The following ASTN2 variants were observed in gnomAD, a reference collection of about 807,000 sequenced individuals.
The protein encoded by ASTN2 is astrotactin 2, also known as astrotactin-2.
In ASTN2, 54 loss-of-function variants were observed where a neutral mutation model predicts 139.8. The observed-to-expected ratio is 0.39, with a 90% CI of 0.31 to 0.48. The LOEUF is 0.48. ASTN2 is among the 20% of genes least tolerant of loss of function. ASTN2 has a pLI of 0.95. For missense variants in ASTN2, 1,565 were observed against 1,725.1 expected, an observed-to-expected ratio of 0.91 and a Z score of 1.64; for synonymous variants, 756 against 719.5, an observed-to-expected ratio of 1.05 and a Z score of -0.81.
At chr9:116,811,298 C>A (rs1019823410) in intron 12 of ASTN2, among the ~76,000 whole-genome samples, 3 of 152,168 alleles carry the variant, frequency 2.0e-5, no homozygotes, top group African/African-American at 7.2e-5. Context: ...CTGACTGTGG[C>A]TTTGCCCACA....
chr9:116,792,910 G>A (rs1830594830), intron 13 of ASTN2, among the ~76,000 whole-genome samples: 1 of 152,054 alleles, frequency 6.6e-6, no homozygotes, highest in African/African-American at 2.4e-5. Flanking sequence ...CTGTACTCAT[G>A]GACATAAAGA....
intron 13 of ASTN2, among the ~76,000 whole-genome samples, chr9:116,760,057 C>T (rs1409259205): frequency 6.6e-6 from 1 of 152,170 alleles, no homozygotes; most frequent in African/African-American, 2.4e-5. Flanking sequence ...GAAGGGCTAA[C>T]AGGACGGGTT....
chr9:116,998,116 T>C (rs771017900), intron 7 of ASTN2, among the ~76,000 whole-genome samples: 3 of 152,214 alleles, frequency 2.0e-5, no homozygotes, highest in Non-Finnish European at 4.4e-5. Context: ...CATGCCTGAA[T>C]AACAAAGTAT....
At chr9:117,308,289 C>T (rs1409010307) in intron 1 of ASTN2, among the ~76,000 whole-genome samples, 1 of 152,160 alleles carries the variant, frequency 6.6e-6, no homozygotes, top group African/African-American at 2.4e-5. Flanking sequence ...AATACTCCTT[C>T]ACTTTCCATA....
At chr9:116,742,592 G>A (rs1829123571) in intron 13 of ASTN2, among the ~76,000 whole-genome samples, 1 of 152,092 alleles carries the variant, frequency 6.6e-6, no homozygotes. Context: ...TCAGGATATA[G>A]TCTGGGAAGT....
intron 20 of ASTN2, among the ~76,000 whole-genome samples, chr9:116,462,788 A>ATGTG (rs55926547): frequency 0.012 from 1,789 of 146,146 alleles, 31 homozygotes; most frequent in African/African-American, 0.039. Flanking sequence ...TTGGGTGAGC[A>ATGTG]TGTGTGTGTG....
chr9:117,401,076 C>G (rs1383867213), intron 1 of ASTN2, among the ~76,000 whole-genome samples: 2 of 152,160 alleles, frequency 1.3e-5, no homozygotes, highest in East Asian at 1.9e-4. Flanking sequence ...GTGCCGGGTA[C>G]TGCTGAACAT....
chr9:117,214,387 C>T lies in ASTN2; in HGVS notation c.986G>A (p.Gly329Glu). 1 of 1,594,266 alleles carries T rather than the reference C, an allele frequency of 6.3e-7. No homozygotes were observed. Among genetic ancestry groups the T allele is most frequent in the African/African-American group, 1.3e-5 (1 of 74,794 alleles). Residue 329 changes from glycine (G) to glutamate (E), a missense_variant, in exon 3 of 23, where the codon GGG becomes GAG. This residue lies in a region of ASTN2 where 596 missense variants were observed against 576.8 expected (regional missense o/e 1.03). Transcript: ENST00000313400. The part of the protein sequence containing the change: ...THTLDSLGHP[G>E]EEKVDFEKKA... ...CTTCTCAAAGTCCACCTTCTCTTCC[C>T]CTGGATGTCCCAGACTGTCCAGAGT...
In ASTN2 at chr9:117,204,939, A is replaced by G. The variant is rs1175280968; in HGVS notation, c.1015+9419T>C. ...TTTGGCCTGCTGGTATTACTGCCAAATGAACATCCTTACCCTTTCAAGGCC... is the reference window on the plus strand; with the variant it reads ...TTTGGCCTGCTGGTATTACTGCCAAGTGAACATCCTTACCCTTTCAAGGCC... On this transcript the variant is annotated intron_variant, in intron 3 of 22. Transcript: ENST00000313400. Among the ~76,000 whole-genome samples the G allele has an allele frequency of 5.9e-5, 9 of 152,252 alleles. No homozygotes were observed. In the East Asian group the frequency reaches 1.2e-3, roughly 20 times the overall value.
chr9:116,904,850 G>C (rs1211908340), intron 10 of ASTN2, among the ~76,000 whole-genome samples: 8 of 152,142 alleles, frequency 5.3e-5, no homozygotes, highest in Non-Finnish European at 1.0e-4. Flanking sequence ...AGTGTACAGT[G>C]GCTGTGCACT....
intron 10 of ASTN2, among the ~76,000 whole-genome samples, chr9:116,943,556 A>G (rs573600815): frequency 1.3e-4 from 20 of 152,272 alleles, no homozygotes; most frequent in Admixed American, 2.6e-4. Flanking sequence ...TATGTACATT[A>G]TATCTCCAAA....
chr9:117,332,740 T>C (rs748661584), intron 1 of ASTN2, among the ~76,000 whole-genome samples: 46 of 152,154 alleles, frequency 3.0e-4, no homozygotes, highest in Non-Finnish European at 6.2e-4. Flanking sequence ...AGTCACAAGG[T>C]GGAAGCTACC....
At chr9:116,793,406 T>C (rs1468600715) in intron 13 of ASTN2, among the ~76,000 whole-genome samples, 1 of 152,148 alleles carries the variant, frequency 6.6e-6, no homozygotes, top group African/African-American at 2.4e-5. Context: ...TCATGGAGCA[T>C]ATGTTATCCC....
rs148624806 is a variant in ASTN2 at position 117,214,701 on chromosome 9, G to C, written c.672C>G (p.Thr224=). The change falls in exon 3 of 23, where the codon ACC becomes ACG. Residue 224 remains threonine (T), a synonymous_variant. Transcript: ENST00000313400. ...IALLLLLLVF[T]VALYAQRRWQ... is the part of the protein sequence containing the mutation. Reference sequence around the variant, plus strand: ...AACGTCGCTGGGCGTACAGCGCCACGGTGAACACCAGCAGCAGCAGCAGCA... The same window carrying C: ...AACGTCGCTGGGCGTACAGCGCCACCGTGAACACCAGCAGCAGCAGCAGCA... The C allele has an allele frequency of 1.1e-4, 167 of 1,522,610 alleles. No individual in the cohort carries two copies. In the African/African-American group the frequency reaches 1.9e-3, roughly 17 times the overall value. The allele number at this position is 1,522,610 out of a possible 1,614,324, so 94.3% of individuals were successfully genotyped here.
chr9:117,181,887 C>T (rs1229429885), intron 3 of ASTN2, among the ~76,000 whole-genome samples: 1 of 152,184 alleles, frequency 6.6e-6, no homozygotes, highest in Non-Finnish European at 1.5e-5. Flanking sequence ...CAAGAGGCGT[C>T]CTCTCAGCAA....
intron 3 of ASTN2, among the ~76,000 whole-genome samples, chr9:117,157,899 T>C (rs1830465688): frequency 6.6e-6 from 1 of 151,980 alleles, no homozygotes; most frequent in Non-Finnish European, 1.5e-5. Flanking sequence ...TTAAGAAAGA[T>C]CAGTGTAACT....
chr9:116,873,485 C>T (rs569206111), intron 10 of ASTN2, among the ~76,000 whole-genome samples: 1 of 152,296 alleles, frequency 6.6e-6, no homozygotes, highest in East Asian at 1.9e-4. Context: ...GGAGTCAGGC[C>T]TCCAGTGCAG....
intron 3 of ASTN2, among the ~76,000 whole-genome samples, chr9:117,163,555 C>CT (rs111638177): frequency 0.039 from 5,959 of 152,076 alleles, 365 homozygotes; most frequent in African/African-American, 0.13. Context: ...ATTTATACAA[C>CT]TTTTTTTCAC....
At chr9:117,243,915 C>T (rs1262910694) in intron 2 of ASTN2, among the ~76,000 whole-genome samples, 1 of 152,104 alleles carries the variant, frequency 6.6e-6, no homozygotes, top group African/African-American at 2.4e-5. Flanking sequence ...TTTTGTGTCC[C>T]CACCAAATCA....
Sources: gnomAD v4.1 joint callset for allele counts (sites outside exome capture counted in the v4.1 genomes callset) on GRCh38, gnomAD v4.1.1 for gene constraint, gnomAD v4.1.1 regional missense constraint, MANE v1.5 for transcripts, NCBI Gene and HGNC (gene_info 2026-07-23, HGNC 2026-07-21) for gene names.